Variants in ACER3 observed in about 807,000 individuals in gnomAD.
ACER3 encodes the protein alkCDase 3.
ACER3 carries 16 observed loss-of-function variants against 48.9 expected under a neutral mutation model. The ratio of observed to expected loss-of-function variants is 0.33; its 90% confidence interval spans 0.22 to 0.50. ACER3 has a LOEUF of 0.50. Ranked by LOEUF, ACER3 falls within the 20% of genes least tolerant of loss-of-function variation. The pLI is 0.98. For synonymous variants in ACER3, 109 were observed against 107.8 expected (o/e 1.01, Z -0.07); for missense variants, 227 against 326.0 (o/e 0.70, Z 2.34).
chr11:76,869,946 T>C (rs6592677), intron 1 of ACER3, among the ~76,000 whole-genome samples: 109,864 of 151,550 alleles, frequency 0.72, 40,217 homozygotes, highest in African/African-American at 0.78. Flanking sequence ...ACTGTAGCCT[T>C]GACCTCCTAG....
intron 4 of ACER3, among the ~76,000 whole-genome samples, chr11:76,978,971 C>A (rs541042785): frequency 6.6e-6 from 1 of 152,346 alleles, no homozygotes; most frequent in African/African-American, 2.4e-5. Flanking sequence ...GTGGCTAGAC[C>A]CCAAGCTTGC....
intron 6 of ACER3, among the ~76,000 whole-genome samples, chr11:76,996,318 T>A (rs12807766): frequency 0.059 from 8,971 of 152,196 alleles, 284 homozygotes; most frequent in Middle Eastern, 0.13. Context: ...CCTCTCTTTC[T>A]CCACTCAGCA....
chr11:76,991,837 GA>G (rs1948810811), intron 6 of ACER3, among the ~76,000 whole-genome samples: 1 of 137,412 alleles, frequency 7.3e-6, no homozygotes, highest in African/African-American at 2.6e-5. Flanking sequence ...AAAAAAGAAA[GA>G]AAAGAAAAGA....
In ACER3 at chr11:77,024,427, T is replaced by A. The variant is rs1444750859; in HGVS notation, c.*4100T>A. Reference sequence around the variant, plus strand: ...CATTTCTCCAAAATTATCAGCCCAGTCAGCTTCATATACCCAGATATGGAC... The same window carrying A: ...CATTTCTCCAAAATTATCAGCCCAGACAGCTTCATATACCCAGATATGGAC... On this transcript the variant is annotated 3_prime_UTR_variant, in exon 11 of 11. Coordinates refer to ENST00000532485, the MANE Select transcript of ACER3 (RefSeq NM_018367.7). 5.3e-5 allele frequency: 8 copies of A among 152,178 alleles called. No homozygotes were observed. Among genetic ancestry groups the A allele is most frequent in the African/African-American group, 1.7e-4 (7 of 41,442 alleles). 9.4% of individuals were successfully genotyped at this position (152,178 alleles called of 1,614,324 possible).
chr11:76,925,476 C>T (rs375692441), intron 1 of ACER3, among the ~76,000 whole-genome samples: 2 of 152,238 alleles, frequency 1.3e-5, no homozygotes, highest in African/African-American at 4.8e-5. Flanking sequence ...GGCATTTTTT[C>T]CCCAAAATTT....
chr11:76,932,292 T>G (rs927022041), intron 2 of ACER3, among the ~76,000 whole-genome samples: 1 of 152,190 alleles, frequency 6.6e-6, no homozygotes, highest in Non-Finnish European at 1.5e-5. Context: ...TTCTTTTGTT[T>G]TAGCTCATGG....
chr11:77,015,720 G>A (rs112405989), intron 8 of ACER3, among the ~76,000 whole-genome samples: 1 of 152,234 alleles, frequency 6.6e-6, no homozygotes, highest in Non-Finnish European at 1.5e-5. Flanking sequence ...GAGAAGAGAG[G>A]AGGGTACTGA....
chr11:77,019,718 A>G lies in ACER3; in HGVS notation c.705-13A>G. The stretch of plus-strand genomic sequence containing the variant: ...GAATCTGAAAAGCTTTCCCCCTCCC[A>G]CTTTTCTTTCAGTTTGTATACAAGA... On this transcript the variant is annotated splice_polypyrimidine_tract_variant and intron_variant, in intron 9 of 10. Coordinates refer to ENST00000532485, the MANE Select transcript of ACER3 (RefSeq NM_018367.7). 1 of 1,613,444 alleles carries G rather than the reference A, an allele frequency of 6.2e-7. No individual in the cohort carries two copies. Among genetic ancestry groups the G allele is most frequent in the Non-Finnish European group, 8.5e-7 (1 of 1,179,528 alleles).
At chr11:76,989,341 A>G (rs2135218819) in intron 5 of ACER3, among the ~76,000 whole-genome samples, 1 of 152,102 alleles carries the variant, frequency 6.6e-6, no homozygotes, top group South Asian at 2.1e-4. Context: ...GCTACATTAA[A>G]TGAGGATATA....
chr11:76,878,397 TA>T (rs1297967399), intron 1 of ACER3, among the ~76,000 whole-genome samples: 2 of 152,120 alleles, frequency 1.3e-5, no homozygotes, highest in East Asian at 1.9e-4. Flanking sequence ...CTCTGTGAGT[TA>T]AATCTATTGG....
intron 1 of ACER3, among the ~76,000 whole-genome samples, chr11:76,911,769 A>C (rs1946384459): frequency 6.6e-6 from 1 of 152,134 alleles, no homozygotes; most frequent in Non-Finnish European, 1.5e-5. Context: ...CCTTCACTAT[A>C]AGTATCCAAA....
At chr11:76,961,052 C>T (rs1947981899) in intron 3 of ACER3, among the ~76,000 whole-genome samples, 1 of 151,984 alleles carries the variant, frequency 6.6e-6, no homozygotes, top group African/African-American at 2.4e-5. Context: ...CAGCAGCAGC[C>T]CAGCACCAAG....
intron 6 of ACER3, among the ~76,000 whole-genome samples, chr11:76,993,022 C>T (rs993916203): frequency 3.9e-5 from 6 of 152,226 alleles, no homozygotes; most frequent in Non-Finnish European, 8.8e-5. Flanking sequence ...GCACACACCA[C>T]TACAACAGGC....
chr11:76,867,913 G>A (rs888758632), intron 1 of ACER3, among the ~76,000 whole-genome samples: 2 of 152,134 alleles, frequency 1.3e-5, no homozygotes, highest in African/African-American at 4.8e-5. Context: ...TAGGAAGTGG[G>A]CAGAAGGAAA....
chr11:77,002,269 T>A (rs1329765900), intron 7 of ACER3, among the ~76,000 whole-genome samples: 2 of 152,230 alleles, frequency 1.3e-5, no homozygotes, highest in African/African-American at 4.8e-5. Context: ...TTTGTTATCA[T>A]AAATGGACCT....
chr11:76,944,448 GC>G (rs1365900014), intron 2 of ACER3, among the ~76,000 whole-genome samples: 1 of 151,854 alleles, frequency 6.6e-6, no homozygotes, highest in East Asian at 1.9e-4. Flanking sequence ...ACTTTATTTT[GC>G]CTTTATTTGT....
chr11:76,958,778 A>G (rs1947910785), intron 2 of ACER3: 4 of 579,570 alleles, frequency 6.9e-6, no homozygotes, highest in South Asian at 4.1e-5. Context: ...GGAATTTAGG[A>G]GAACTTATAT....
chr11:76,957,186 C>T (rs533147489), intron 2 of ACER3, among the ~76,000 whole-genome samples: 3 of 152,076 alleles, frequency 2.0e-5, no homozygotes, highest in Non-Finnish European at 4.4e-5. Context: ...TCATTAAGGC[C>T]AATGACTGGA....
At chr11:76,988,591 C>G (rs1948733339) in intron 5 of ACER3, among the ~76,000 whole-genome samples, 1 of 152,158 alleles carries the variant, frequency 6.6e-6, no homozygotes, top group Non-Finnish European at 1.5e-5. Context: ...GGAACCACCC[C>G]CATGATCTGT....
Sources: gnomAD v4.1 joint callset for allele counts (sites outside exome capture counted in the v4.1 genomes callset) on GRCh38, gnomAD v4.1.1 for gene constraint, MANE v1.5 for transcripts, NCBI Gene and HGNC (gene_info 2026-07-23, HGNC 2026-07-21) for gene names.